Variants in CDH13 observed in about 807,000 individuals in gnomAD.
The protein encoded by CDH13 is cadherin 13, also known as cadherin-13.
CDH13 carries 24 observed loss-of-function variants against 63.8 expected under a neutral mutation model. That is an observed-to-expected ratio of 0.38 (90% confidence interval 0.27 to 0.53). The LOEUF is 0.53. Among genes scored for constraint, CDH13 ranks in the 20% least tolerant of loss-of-function variants. The pLI is 0.85. For missense variants in CDH13, 1,049 were observed against 903.1 expected, an observed-to-expected ratio of 1.16 and a Z score of -2.07; for synonymous variants, 503 against 355.3, an observed-to-expected ratio of 1.42 and a Z score of -4.67.
chr16:82,787,961 G>A (rs1043006777), intron 1 of CDH13, among the ~76,000 whole-genome samples: 1 of 149,538 alleles, frequency 6.7e-6, no homozygotes, highest in African/African-American at 2.5e-5. Context: ...GTAAGTAAGA[G>A]GATGGTGTCA....
At chr16:83,528,047 A>T (rs2075002352) in intron 7 of CDH13, among the ~76,000 whole-genome samples, 1 of 152,228 alleles carries the variant, frequency 6.6e-6, no homozygotes, top group African/African-American at 2.4e-5. Flanking sequence ...CACAGAGCTG[A>T]TAATGAGCCA....
chr16:83,125,451 A>T lies in CDH13; in HGVS notation c.433A>T (p.Ile145Phe), dbSNP rs1486794066. 1.2e-6 allele frequency: 2 copies of T among 1,612,540 alleles called. No homozygotes were observed. The highest frequency in any genetic ancestry group is 1.7e-5 in the Admixed American group (1 of 60,000). Residue 145 changes from isoleucine to phenylalanine, a missense_variant, in exon 4 of 14, where the codon ATT (isoleucine) becomes TTT (phenylalanine). Transcript: ENST00000567109. ...AAAGAGGTCCATTGTGGTATCTCCCATTTTAATTCCAGAGAATCAGAGACA... is the reference window on the plus strand; with the variant it reads ...AAAGAGGTCCATTGTGGTATCTCCCTTTTTAATTCCAGAGAATCAGAGACA... ...RQKRSIVVSP[I>F]LIPENQRQPF...
At chr16:83,610,089 G>C (rs1161350838) in intron 8 of CDH13, among the ~76,000 whole-genome samples, 1 of 152,112 alleles carries the variant, frequency 6.6e-6, no homozygotes, top group East Asian at 1.9e-4. Context: ...TCCATTCCAT[G>C]GTTATACCAC....
intron 10 of CDH13, among the ~76,000 whole-genome samples, chr16:83,741,730 T>C (rs1912084368): frequency 6.6e-6 from 1 of 152,156 alleles, no homozygotes; most frequent in Non-Finnish European, 1.5e-5. Flanking sequence ...AGGAAAGCTA[T>C]GCTCAGTCAT....
chr16:82,656,915 G>A (rs1911362426), intron 1 of CDH13, among the ~76,000 whole-genome samples: 1 of 135,726 alleles, frequency 7.4e-6, no homozygotes, highest in South Asian at 2.3e-4. Context: ...TGGTTTGGTA[G>A]CTCTTTTTTT....
chr16:83,539,520 A>G (rs2075260327), intron 7 of CDH13, among the ~76,000 whole-genome samples: 2 of 152,238 alleles, frequency 1.3e-5, no homozygotes, highest in African/African-American at 4.8e-5. Context: ...GAAAACTTGC[A>G]GAAAAGGAAA....
chr16:82,891,048 T>G (rs1220083122), intron 2 of CDH13, among the ~76,000 whole-genome samples: 2 of 64,936 alleles, frequency 3.1e-5, no homozygotes, highest in East Asian at 1.3e-3. Context: ...TTTTTTTTTT[T>G]TTTTTTAAGT....
chr16:83,443,928 T>C (rs1264380106), intron 6 of CDH13, among the ~76,000 whole-genome samples: 1 of 144,828 alleles, frequency 6.9e-6, no homozygotes, highest in African/African-American at 2.7e-5. Flanking sequence ...GAGGAAACCG[T>C]TTCTAAAAAA....
At chr16:83,105,384 A>G (rs2034715012) in intron 3 of CDH13, among the ~76,000 whole-genome samples, 2 of 152,230 alleles carry the variant, frequency 1.3e-5, no homozygotes, top group Admixed American at 1.3e-4. Flanking sequence ...TGTGAAGTCG[A>G]GGCTGAGCGC....
intron 8 of CDH13, among the ~76,000 whole-genome samples, chr16:83,624,342 C>A (rs1229305475): frequency 1.3e-5 from 2 of 151,556 alleles, no homozygotes; most frequent in East Asian, 1.9e-4. Context: ...GATAACGCCC[C>A]CACCCCTGCC....
chr16:82,777,804 G>C (rs1261898103), intron 1 of CDH13, among the ~76,000 whole-genome samples: 1 of 152,098 alleles, frequency 6.6e-6, no homozygotes, highest in East Asian at 1.9e-4. Context: ...GCTTTTTCAG[G>C]CTGCTGGACT....
At chr16:83,405,959 C>T (rs576484170) in intron 6 of CDH13, among the ~76,000 whole-genome samples, 1 of 152,360 alleles carries the variant, frequency 6.6e-6, no homozygotes, top group South Asian at 2.1e-4. Context: ...GTCCTTGAGC[C>T]ACATGCCCTC....
At position 83,216,424 on chromosome 16, in the gene CDH13, A is replaced by G. The variant is rs74200780; in HGVS notation, c.484-921A>G. 3.4e-3 allele frequency among the ~76,000 whole-genome samples: 311 copies of G among 92,604 alleles called. 32 individuals carry two copies. In the East Asian group the frequency reaches 0.069, roughly 20 times the overall value. The allele number at this position is 92,604 out of a possible 152,430, so 60.8% of individuals were successfully genotyped here. A position where few individuals can be genotyped will look rare whatever the true frequency, so the allele number is the denominator to read the frequency against. ...TATATATATATATATATATATATATATATATATATATATATATATACACAA... is the reference window on the plus strand; with the variant it reads ...TATATATATATATATATATATATATGTATATATATATATATATATACACAA... On this transcript the variant is annotated intron_variant, in intron 4 of 13. Coordinates refer to ENST00000567109, the MANE Select transcript of CDH13 (RefSeq NM_001257.5).
At chr16:83,431,179 G>T (rs2072092499) in intron 6 of CDH13, among the ~76,000 whole-genome samples, 1 of 151,702 alleles carries the variant, frequency 6.6e-6, no homozygotes, top group Non-Finnish European at 1.5e-5. Context: ...AGTATTCCAT[G>T]GTGTATATGT....
At chr16:82,786,640 T>G (rs112408449) in intron 1 of CDH13, among the ~76,000 whole-genome samples, 1 of 148,300 alleles carries the variant, frequency 6.7e-6, no homozygotes, top group Non-Finnish European at 1.5e-5. Context: ...TATCTCCTAA[T>G]GCTATCCCTC....
At chr16:83,678,072 C>T (rs967529724) in intron 9 of CDH13, 136 bp from the exon 10 acceptor site, 6 of 715,728 alleles carry the variant, frequency 8.4e-6, no homozygotes, top group Admixed American at 2.9e-5. Flanking sequence ...CCCCCAGTTA[C>T]ACAGGCTTAG....
chr16:83,645,344 A>G (rs976560903), intron 8 of CDH13, among the ~76,000 whole-genome samples: 6 of 152,196 alleles, frequency 3.9e-5, no homozygotes, highest in African/African-American at 1.2e-4. Context: ...AGGGTAAGCA[A>G]TGGGTACACA....
chr16:83,670,706 T>A (rs1914424278), intron 8 of CDH13, 84 bp from the exon 9 acceptor site: 3 of 1,115,154 alleles, frequency 2.7e-6, no homozygotes, highest in Non-Finnish European at 2.7e-6. Flanking sequence ...TGAGATGATG[T>A]GTGTAACATA....
rs141015267 is a variant in CDH13 at position 83,040,873 on chromosome 16, G to T, written c.366+8655G>T. ...GACCTATGATAAATGTTCAGCTAAT[G>T]AACGAGGCAAACTGAGGTGACCCAG... is the stretch of plus-strand genomic sequence containing the variant. On this transcript the variant is annotated intron_variant, in intron 3 of 13. Coordinates refer to ENST00000567109, the MANE Select transcript of CDH13 (RefSeq NM_001257.5). Among the ~76,000 whole-genome samples, 5 of 152,266 alleles carry T rather than the reference G, an allele frequency of 3.3e-5. No individual in the cohort carries two copies. In the East Asian group the frequency reaches 9.7e-4, roughly 29 times the overall value.
Sources: gnomAD v4.1 joint callset for allele counts (sites outside exome capture counted in the v4.1 genomes callset) on GRCh38, gnomAD v4.1.1 for gene constraint, MANE v1.5 for transcripts, NCBI Gene and HGNC (gene_info 2026-07-23, HGNC 2026-07-21) for gene names.